The following FIGN variants were observed in gnomAD, a reference collection of about 807,000 sequenced individuals.
FIGN encodes the protein fidgetin, microtubule severing factor, also known as fidgetin.
In FIGN, 11 loss-of-function variants were observed where a neutral mutation model predicts 51.3. That is an observed-to-expected ratio of 0.21 (90% CI 0.13 to 0.35). The LOEUF is 0.35. Ranked by LOEUF, FIGN falls within the 10% of genes least tolerant of loss-of-function variation. The pLI is 1.00. For missense variants in FIGN, 857 were observed against 943.6 expected (o/e 0.91, Z 1.20); for synonymous variants, 407 against 363.2 (o/e 1.12, Z -1.37).
chr2:163,642,277 C>T (rs574789461), intron 2 of FIGN, among the ~76,000 whole-genome samples: 9 of 152,172 alleles, frequency 5.9e-5, no homozygotes, highest in Non-Finnish European at 1.3e-4. Flanking sequence ...AGTGATTCAA[C>T]GAAAGTAATG....
intron 2 of FIGN, among the ~76,000 whole-genome samples, chr2:163,732,090 A>G (rs1414849156): frequency 6.6e-6 from 1 of 152,158 alleles, no homozygotes; most frequent in Non-Finnish European, 1.5e-5. Context: ...CTGCTTTCAC[A>G]ATTTTGTTTC....
At chr2:163,666,325 C>T (rs1683772669) in intron 2 of FIGN, among the ~76,000 whole-genome samples, 2 of 152,116 alleles carry the variant, frequency 1.3e-5, no homozygotes, top group Admixed American at 6.6e-5. Flanking sequence ...TTCCTTTATT[C>T]CCCCAAAGGA....
chr2:163,643,734 A>T (rs1683339539), intron 2 of FIGN, among the ~76,000 whole-genome samples: 1 of 150,866 alleles, frequency 6.6e-6, no homozygotes, highest in South Asian at 2.1e-4. Flanking sequence ...CGGGTGGATC[A>T]CCTGAAGTCA....
chr2:163,663,236 G>GT (rs761711729), intron 2 of FIGN, among the ~76,000 whole-genome samples: 1,800 of 144,674 alleles, frequency 0.012, 17 homozygotes, highest in African/African-American at 0.026. Flanking sequence ...AATAATGTTG[G>GT]TTTTTTTTTT....
intron 2 of FIGN, among the ~76,000 whole-genome samples, chr2:163,643,624 C>T (rs1232869452): frequency 6.7e-6 from 1 of 149,408 alleles, no homozygotes; most frequent in South Asian, 2.1e-4. Context: ...GCACTCTAGC[C>T]TGGGCGACAG....
intron 2 of FIGN, among the ~76,000 whole-genome samples, chr2:163,676,437 ATAT>A: frequency 7.5e-5 from 1 of 13,340 alleles, no homozygotes; most frequent in African/African-American, 5.3e-4. Flanking sequence ...TTCCTGGAAT[ATAT>A]ATATATATAT....
chr2:163,640,009 T>A (rs979845796), intron 2 of FIGN, among the ~76,000 whole-genome samples: 1 of 152,188 alleles, frequency 6.6e-6, no homozygotes, highest in Non-Finnish European at 1.5e-5. Flanking sequence ...CTACAGTTAT[T>A]ACCCTCATGA....
At chr2:163,627,424 T>TA (rs1340221122) in intron 2 of FIGN, among the ~76,000 whole-genome samples, 1 of 152,040 alleles carries the variant, frequency 6.6e-6, no homozygotes. Flanking sequence ...AAACAATGCA[T>TA]AACACATATG....
chr2:163,702,458 ATT>A (rs1415803893), intron 2 of FIGN, among the ~76,000 whole-genome samples: 1 of 152,110 alleles, frequency 6.6e-6, no homozygotes, highest in Non-Finnish European at 1.5e-5. Context: ...TATCACCACC[ATT>A]TATAACATTG....
At chr2:163,670,099 A>G (rs1408662471) in intron 2 of FIGN, among the ~76,000 whole-genome samples, 1 of 152,214 alleles carries the variant, frequency 6.6e-6, no homozygotes, top group East Asian at 1.9e-4. Context: ...ATGGACAGCA[A>G]GCTCAGCTTT....
intron 2 of FIGN, among the ~76,000 whole-genome samples, chr2:163,676,482 T>TATAA (rs1491386168): frequency 1.0e-4 from 6 of 57,308 alleles, no homozygotes; most frequent in African/African-American, 2.8e-4. Flanking sequence ...TATATATATA[T>TATAA]AACTAGAGTC....
chr2:163,637,138 G>C (rs1197034541), intron 2 of FIGN, among the ~76,000 whole-genome samples: 1 of 152,152 alleles, frequency 6.6e-6, no homozygotes, highest in Non-Finnish European at 1.5e-5. Context: ...CAGTAAATGT[G>C]TATTGAGGGA....
At chr2:163,715,865 C>T (rs540295604) in intron 2 of FIGN, among the ~76,000 whole-genome samples, 35 of 152,296 alleles carry the variant, frequency 2.3e-4, no homozygotes, top group Non-Finnish European at 4.1e-4. Flanking sequence ...AAAGTATACA[C>T]ATACGCCCAT....
chr2:163,665,991 G>C (rs1425629967), intron 2 of FIGN, among the ~76,000 whole-genome samples: 1 of 152,172 alleles, frequency 6.6e-6, no homozygotes, highest in African/African-American at 2.4e-5. Flanking sequence ...GACTATGGCA[G>C]AAAAGGAACC....
chr2:163,719,912 T>G (rs771587370), intron 2 of FIGN, among the ~76,000 whole-genome samples: 18 of 152,204 alleles, frequency 1.2e-4, no homozygotes, highest in Non-Finnish European at 1.9e-4. Flanking sequence ...TGTTTTTAAG[T>G]GATCAAAGTT....
intron 2 of FIGN, among the ~76,000 whole-genome samples, chr2:163,709,306 T>C (rs1486414726): frequency 6.6e-6 from 1 of 152,212 alleles, no homozygotes; most frequent in Non-Finnish European, 1.5e-5. Flanking sequence ...GCCAGTTTTT[T>C]ATGTAATCCA....
intron 2 of FIGN, among the ~76,000 whole-genome samples, chr2:163,688,002 T>C (rs1024817861): frequency 2.0e-5 from 3 of 152,182 alleles, no homozygotes; most frequent in East Asian, 3.8e-4. Context: ...CAACTATACG[T>C]CACAAAATAA....
At chr2:163,726,078 A>C (rs1028999921) in intron 2 of FIGN, among the ~76,000 whole-genome samples, 6 of 152,092 alleles carry the variant, frequency 3.9e-5, no homozygotes, top group African/African-American at 1.4e-4. Context: ...TTGTATTCAT[A>C]GTATGTTTAA....
At position 163,611,085 on chromosome 2, in the gene FIGN, A is replaced by G; in HGVS notation, c.747T>C (p.Ser249=). The change falls in exon 3 of 3, where the codon TCT becomes TCC. Residue 249 remains serine, a synonymous_variant. Transcript: ENST00000333129. ...TSNLSSYSYP[S]ASYPPQTAVG... ...CAGCAGTCTGAGGAGGATAGCTAGC[A>G]GACGGATAGCTGTAACTGGAGAGGT... 1 of 1,614,086 alleles carries G rather than the reference A, an allele frequency of 6.2e-7. No individual in the cohort carries two copies. The highest frequency in any genetic ancestry group is 8.5e-7 in the Non-Finnish European group (1 of 1,179,994).
Sources: gnomAD v4.1 joint callset for allele counts (sites outside exome capture counted in the v4.1 genomes callset) on GRCh38, gnomAD v4.1.1 for gene constraint, MANE v1.5 for transcripts, NCBI Gene and HGNC (gene_info 2026-07-23, HGNC 2026-07-21) for gene names.